Variants in PACS1 observed in about 807,000 individuals in gnomAD.
PACS1 encodes the protein phosphofurin acidic cluster sorting protein 1, also known as PACS-1.
A neutral mutation model predicts 115.0 loss-of-function variants in PACS1; 24 were observed. The observed-to-expected ratio is 0.21, with a 90% CI of 0.15 to 0.29. The LOEUF is 0.29. PACS1 is among the 10% of genes least tolerant of loss of function. PACS1 has a pLI of 1.00. For missense variants in PACS1, 838 were observed against 1,251.2 expected, an observed-to-expected ratio of 0.67 and a Z score of 4.98; for synonymous variants, 453 against 504.5, an observed-to-expected ratio of 0.90 and a Z score of 1.37.
intron 2 of PACS1, among the ~76,000 whole-genome samples, chr11:66,203,492 GA>G (rs61030292): frequency 0.96 from 146,074 of 151,596 alleles, 70,588 homozygotes; most frequent in Middle Eastern, 1. Context: ...CACAGAAATA[GA>G]AAAAAAAAAT....
At chr11:66,131,725 C>T (rs959329614) in intron 1 of PACS1, among the ~76,000 whole-genome samples, 3 of 151,484 alleles carry the variant, frequency 2.0e-5, no homozygotes, top group East Asian at 1.9e-4. Flanking sequence ...GCCAGGAGTT[C>T]GAGACCAGCC....
chr11:66,070,320 A>T lies in PACS1; in HGVS notation c.-167A>T, dbSNP rs1170557521. ...CAACAGGCAGCGGCGGTCGAGCGCG[A>T]GGCCCGCGCGCCCAGAGGCCCCGCG... On this transcript the variant is annotated 5_prime_UTR_variant, in exon 1 of 24. Transcript: ENST00000320580. The surrounding 1 kb of genome is among the most constrained non-coding windows in gnomAD (Gnocchi z 5.9). The T allele has an allele frequency of 4.6e-6, 1 of 219,174 alleles. No homozygotes were observed. Among genetic ancestry groups the T allele is most frequent in the Non-Finnish European group, 8.4e-6 (1 of 118,510 alleles). The allele number at this position is 219,174 out of a possible 1,614,324, so 13.6% of individuals were successfully genotyped here.
chr11:66,193,633 T>G, intron 2 of PACS1, 60 bp downstream of exon 2: 1 of 1,200,074 alleles, frequency 8.3e-7, no homozygotes, highest in Non-Finnish European at 1.2e-6. Context: ...ATTTGCCCAC[T>G]GCTGCGGCTT....
intron 1 of PACS1, among the ~76,000 whole-genome samples, chr11:66,192,932 C>T (rs1490148378): frequency 6.6e-6 from 1 of 152,136 alleles, no homozygotes; most frequent in Non-Finnish European, 1.5e-5. Context: ...AATTTGTGAC[C>T]ATTTAACTAT....
chr11:66,212,424 G>A (rs886526082), intron 4 of PACS1, among the ~76,000 whole-genome samples: 5 of 149,670 alleles, frequency 3.3e-5, no homozygotes, highest in East Asian at 2.0e-4. Context: ...GAGCCACTGC[G>A]CCTGGCCTTA....
intron 1 of PACS1, among the ~76,000 whole-genome samples, chr11:66,140,878 C>T (rs1858964136): frequency 1.3e-5 from 2 of 151,976 alleles, no homozygotes; most frequent in African/African-American, 4.8e-5. Context: ...AAAAATTAAT[C>T]TTGGAGATCT....
intron 1 of PACS1, among the ~76,000 whole-genome samples, chr11:66,085,456 A>G (rs1033988514): frequency 2.0e-4 from 30 of 152,254 alleles, no homozygotes; most frequent in Admixed American, 1.8e-3. Context: ...CGTTCTGCTC[A>G]TTATATCTAG....
intron 1 of PACS1, among the ~76,000 whole-genome samples, chr11:66,125,173 A>T (rs557806496): frequency 2.0e-5 from 3 of 152,156 alleles, no homozygotes; most frequent in Non-Finnish European, 4.4e-5. Context: ...GAATGATACA[A>T]TGGACTTTGG....
At chr11:66,241,688 C>T in intron 22 of PACS1, 35 bp downstream of exon 22, 1 of 1,525,540 alleles carries the variant, frequency 6.6e-7, no homozygotes, top group Admixed American at 1.7e-5. Context: ...GACCATGGGC[C>T]ACCAGGCCTC....
chr11:66,211,053 A>G, intron 3 of PACS1, 81 bp from the exon 4 acceptor site: 1 of 1,507,574 alleles, frequency 6.6e-7, no homozygotes, highest in African/African-American at 1.4e-5. Flanking sequence ...ATTGAAGCAC[A>G]GAAAGACTGT....
At chr11:66,202,095 T>C (rs895360523) in intron 2 of PACS1, among the ~76,000 whole-genome samples, 9 of 152,184 alleles carry the variant, frequency 5.9e-5, no homozygotes, top group African/African-American at 2.2e-4. Context: ...CATTAGTGGC[T>C]GCTATGAGCA....
At chr11:66,137,657 T>C (rs576354961) in intron 1 of PACS1, among the ~76,000 whole-genome samples, 1 of 152,330 alleles carries the variant, frequency 6.6e-6, no homozygotes, top group Admixed American at 6.5e-5. Flanking sequence ...TCTTATGTCA[T>C]TATCCAGGCC....
At chr11:66,226,114 G>A (rs1855466254) in intron 10 of PACS1, among the ~76,000 whole-genome samples, 1 of 152,226 alleles carries the variant, frequency 6.6e-6, no homozygotes, top group Admixed American at 6.5e-5. Flanking sequence ...AGAGGTTGCA[G>A]TGAGCCAAGA....
chr11:66,172,253 A>G (rs1859757016), intron 1 of PACS1, among the ~76,000 whole-genome samples: 1 of 152,146 alleles, frequency 6.6e-6, no homozygotes, highest in Non-Finnish European at 1.5e-5. Context: ...TGTGTGAGCC[A>G]GCCTCCACGG....
intron 10 of PACS1, among the ~76,000 whole-genome samples, chr11:66,225,848 AGCTTTTCC>A: frequency 6.6e-6 from 1 of 152,168 alleles, no homozygotes; most frequent in Non-Finnish European, 1.5e-5. Flanking sequence ...GTCTAACCAG[AGCTTTTCC>A]ATGATTCTAG....
At chr11:66,171,484 TG>T (rs972766499) in intron 1 of PACS1, among the ~76,000 whole-genome samples, 5 of 150,332 alleles carry the variant, frequency 3.3e-5, no homozygotes, top group African/African-American at 5.0e-5. Context: ...GTTCTTTTTT[TG>T]GGGGGGCGGT....
intron 1 of PACS1, among the ~76,000 whole-genome samples, chr11:66,161,752 A>AT (rs960645084): frequency 9.9e-5 from 15 of 151,724 alleles, no homozygotes; most frequent in South Asian, 2.1e-4. Context: ...AATTGGCTAC[A>AT]TTTTTTTTTC....
At chr11:66,224,186 A>G (rs1463526865) in intron 10 of PACS1, among the ~76,000 whole-genome samples, 2 of 108,432 alleles carry the variant, frequency 1.8e-5, no homozygotes, top group African/African-American at 7.6e-5. Flanking sequence ...ACAGAGCAAG[A>G]CTCCATCTCA....
chr11:66,074,165 C>G (rs1857357812), intron 1 of PACS1, among the ~76,000 whole-genome samples: 1 of 152,062 alleles, frequency 6.6e-6, no homozygotes, highest in Non-Finnish European at 1.5e-5. Context: ...AGCCCCCAGT[C>G]CATCCCTCTT....
Sources: gnomAD v4.1 joint callset for allele counts (sites outside exome capture counted in the v4.1 genomes callset) on GRCh38, gnomAD v4.1.1 for gene constraint, Gnocchi (gnomAD v3.1) non-coding constraint, MANE v1.5 for transcripts, NCBI Gene and HGNC (gene_info 2026-07-23, HGNC 2026-07-21) for gene names.